NUDT1: variants seen among roughly 807,000 people sequenced by gnomAD.
The protein encoded by NUDT1 is oxidized purine nucleoside triphosphate hydrolase.
Under a neutral mutation model 11.3 loss-of-function variants are expected in NUDT1, and 16 were observed. That is an observed-to-expected ratio of 1.41 (90% CI 0.96 to 2.15). NUDT1 has a LOEUF of 2.15. Ranked by LOEUF, NUDT1 falls within the 30% of genes most tolerant of loss-of-function variation. The pLI is 0.00. For missense variants in NUDT1, 234 were observed against 208.4 expected, an observed-to-expected ratio of 1.12 and a Z score of -0.76; for synonymous variants, 101 against 84.4, an observed-to-expected ratio of 1.20 and a Z score of -1.08.
chr7:2,247,160 C>T (rs955300391), intron 2 of NUDT1, among the ~76,000 whole-genome samples: 5 of 152,212 alleles, frequency 3.3e-5, no homozygotes, highest in African/African-American at 9.6e-5. Context: ...ACCCCAGGCC[C>T]GTGCTGCTCA....
rs143631820 is a variant in NUDT1 at position 2,250,884 on chromosome 7, C to T, written c.354C>T (p.Pro118=). 9.4e-4 allele frequency: 1,523 copies of T among 1,614,148 alleles called. 15 individuals are homozygous for T. The highest frequency in any genetic ancestry group is 8.7e-3 in the South Asian group (796 of 91,080). The change falls in exon 4 of 4, where the codon CCC becomes CCT. Residue 118 remains proline, a synonymous_variant. Transcript: ENST00000356714. ...LDQIPFKDMW[P]DDSYWFPLLL... ...AGATCCCCTTCAAGGACATGTGGCC[C>T]GACGACAGCTACTGGTTTCCACTCC...
chr7:2,244,255 C>T (rs1794676253), intron 1 of NUDT1, among the ~76,000 whole-genome samples: 1 of 152,154 alleles, frequency 6.6e-6, no homozygotes, highest in Non-Finnish European at 1.5e-5. Context: ...CAAGAGCACG[C>T]TCTGGAAAGG....
intron 2 of NUDT1, among the ~76,000 whole-genome samples, chr7:2,247,816 C>T (rs765268587): frequency 6.6e-6 from 1 of 152,220 alleles, no homozygotes; most frequent in Non-Finnish European, 1.5e-5. Context: ...AAATCAGTCA[C>T]AATATCCCAC....
At position 2,243,722 on chromosome 7, in the gene NUDT1, G is replaced by A. The variant is rs1012608929; in HGVS notation, c.-12-841G>A. ...AGGGAGGCGGAGGTTACAGTGAACC[G>A]CGATCACGCCACTCTCCTCCAGCCT... On this transcript the variant is annotated intron_variant, in intron 1 of 3. Coordinates refer to ENST00000356714, the MANE Select transcript of NUDT1 (RefSeq NM_002452.4). Among the ~76,000 whole-genome samples the A allele has an allele frequency of 3.3e-5, 5 of 152,166 alleles. No homozygotes were observed. In the South Asian group the frequency reaches 6.2e-4, roughly 19 times the overall value.
rs534915905 is a variant in NUDT1, at chr7:2,249,512, G to A, written c.153-345G>A. On this transcript the variant is annotated intron_variant, in intron 2 of 3. Coordinates refer to ENST00000356714, the MANE Select transcript of NUDT1 (RefSeq NM_002452.4). Reference sequence around the variant, plus strand: ...CCCAACCCTGCCACGTGCGGGTCTCGAGACGGTGGACAAGTGGCTGGACTC... The same window carrying A: ...CCCAACCCTGCCACGTGCGGGTCTCAAGACGGTGGACAAGTGGCTGGACTC... 4.4e-5 allele frequency: 17 copies of A among 384,856 alleles called. 1 individual carries two copies. The highest frequency in any genetic ancestry group is 1.1e-4 in the Admixed American group (3 of 26,152). 23.8% of individuals were successfully genotyped at this position (384,856 alleles called of 1,614,324 possible).
intron 2 of NUDT1, among the ~76,000 whole-genome samples, chr7:2,246,185 G>A (rs1351445312): frequency 1.3e-5 from 2 of 152,220 alleles, no homozygotes; most frequent in African/African-American, 4.8e-5. Context: ...ATCAGCTCAT[G>A]GATTTCTGTA....
At chr7:2,247,292 G>A (rs994388149) in intron 2 of NUDT1, among the ~76,000 whole-genome samples, 1 of 152,338 alleles carries the variant, frequency 6.6e-6, no homozygotes, top group Middle Eastern at 3.4e-3. Flanking sequence ...CTAACTCCCA[G>A]GCCAAGAGCC....
intron 3 of NUDT1, among the ~76,000 whole-genome samples, chr7:2,250,348 C>T (rs1562411238): frequency 6.6e-6 from 1 of 152,246 alleles, no homozygotes; most frequent in Non-Finnish European, 1.5e-5. Flanking sequence ...AATCCCAGCA[C>T]TGTGGACTGT....
intron 1 of NUDT1, 35 bp from the exon 2 acceptor site, chr7:2,244,528 T>C: frequency 2.0e-6 from 3 of 1,491,060 alleles, no homozygotes; most frequent in Non-Finnish European, 2.7e-6. Context: ...TCCACGCACG[T>C]CATGGCTGAC....
chr7:2,246,123 G>A (rs1584639307), intron 2 of NUDT1, among the ~76,000 whole-genome samples: 1 of 152,184 alleles, frequency 6.6e-6, no homozygotes, highest in Non-Finnish European at 1.5e-5. Flanking sequence ...AGGAAAGGTG[G>A]CCCCGGGGGT....
chr7:2,245,230 T>A (rs998062699), intron 2 of NUDT1, among the ~76,000 whole-genome samples: 1 of 152,134 alleles, frequency 6.6e-6, no homozygotes, highest in African/African-American at 2.4e-5. Context: ...GGTTGAGCCG[T>A]TTACCCAAGA....
rs373516783 is a variant in NUDT1 at position 2,249,825 on chromosome 7, G to A, written c.153-32G>A. Reference sequence around the variant, plus strand: ...TGTGGGCATGGCACCATGCCCTGACGGCCTCCCTCCCCTGCCCACCTCTGC... The same window carrying A: ...TGTGGGCATGGCACCATGCCCTGACAGCCTCCCTCCCCTGCCCACCTCTGC... On this transcript the variant is annotated intron_variant, in intron 2 of 3. Coordinates refer to ENST00000356714, the MANE Select transcript of NUDT1 (RefSeq NM_002452.4). 203 of 1,609,498 alleles carry A rather than the reference G, an allele frequency of 1.3e-4. No individual in the cohort carries two copies. The African/African-American group carries it at 2.2e-3, about 17-fold the overall frequency.
intron 1 of NUDT1, chr7:2,242,566 G>C (rs1584632360): frequency 5.7e-6 from 2 of 351,544 alleles, no homozygotes; most frequent in Non-Finnish European, 1.0e-5. Context: ...AAGTACACGG[G>C]CCTGGTGTGA....
At chr7:2,243,901 G>A (rs898828621) in intron 1 of NUDT1, among the ~76,000 whole-genome samples, 4 of 152,258 alleles carry the variant, frequency 2.6e-5, no homozygotes, top group African/African-American at 9.6e-5. Flanking sequence ...ATGGGAGCAG[G>A]AAGGACCCTT....
At position 2,250,020 on chromosome 7, in the gene NUDT1, T is replaced by C; in HGVS notation, c.298+18T>C. The C allele has an allele frequency of 6.2e-7, 1 of 1,613,210 alleles. No individual in the cohort carries two copies. The highest frequency in any genetic ancestry group is 8.5e-7 in the Non-Finnish European group (1 of 1,179,736). On this transcript the variant is annotated intron_variant, in intron 3 of 3. Coordinates refer to ENST00000356714, the MANE Select transcript of NUDT1 (RefSeq NM_002452.4). ...GAGCGACGGTGAGTCTCACAGGGCC[T>C]GCTCCCCCTCCCCACTATGCGGGTC... is the stretch of plus-strand genomic sequence containing the variant.
intron 3 of NUDT1, 79 bp from the exon 4 acceptor site, chr7:2,250,750 G>C (rs548773353): frequency 1.3e-6 from 2 of 1,541,832 alleles, no homozygotes; most frequent in Non-Finnish European, 1.8e-6. Context: ...GAGCCACCGC[G>C]CCCGGCCAAA....
intron 2 of NUDT1, 93 bp downstream of exon 2, chr7:2,244,819 G>A (rs1562406550): frequency 6.8e-7 from 1 of 1,468,952 alleles, no homozygotes; most frequent in Non-Finnish European, 9.2e-7. Context: ...ACCACTAAGA[G>A]CTAAGTGACC....
At position 2,249,890 on chromosome 7, in the gene NUDT1, C is replaced by CT. The variant is rs777987210; in HGVS notation, c.186_187insT (p.Ala63CysfsTer11). The CT allele has an allele frequency of 5.0e-6, 8 of 1,613,962 alleles. No individual in the cohort carries two copies. The highest frequency in any genetic ancestry group is 3.3e-5 in the South Asian group (3 of 91,096). On this transcript the variant is annotated frameshift_variant, in exon 3 of 4. Transcript: ENST00000356714. LOFTEE classifies it high-confidence loss of function. The stretch of plus-strand genomic sequence containing the variant: ...AGGAGGAGAGCGGTCTGACAGTGGA[C>CT]GCCCTGCACAAGGTGGGCCAGATCG...
intron 3 of NUDT1, 39 bp downstream of exon 3, chr7:2,250,041 G>A (rs768383037): frequency 5.6e-6 from 9 of 1,607,228 alleles, no homozygotes; most frequent in Admixed American, 3.3e-5. Context: ...CCCACTATGC[G>A]GGTCCCATCT....
Sources: allele counts gnomAD v4.1 joint callset (sites outside exome capture counted in the v4.1 genomes callset), GRCh38; gene constraint gnomAD v4.1.1; transcripts MANE v1.5; gene names NCBI Gene and HGNC (gene_info 2026-07-23, HGNC 2026-07-21).